SLC8A1: variants seen among roughly 807,000 people sequenced by gnomAD.
SLC8A1 encodes the protein sodium/calcium exchanger 1.
SLC8A1 carries 18 observed loss-of-function variants against 68.3 expected under a neutral mutation model. That is an observed-to-expected ratio of 0.26 (90% confidence interval 0.18 to 0.39). The LOEUF is 0.39. Among genes scored for constraint, SLC8A1 ranks in the 10% least tolerant of loss-of-function variants. The probability of loss-of-function intolerance (pLI) is 1.00; values close to 1 mark genes in which losing one functional copy is unlikely to be tolerated. For synonymous variants in SLC8A1, 475 were observed against 415.5 expected (o/e 1.14, Z -1.74); for missense variants, 985 against 1,156.7 (o/e 0.85, Z 2.15).
At chr2:40,424,290 G>C (rs1696296282) in intron 2 of SLC8A1, among the ~76,000 whole-genome samples, 1 of 151,276 alleles carries the variant, frequency 6.6e-6, no homozygotes, top group Non-Finnish European at 1.5e-5. Context: ...CTGTCTTATT[G>C]TATTTTGTTC....
chr2:40,332,228 C>G (rs1168057133), intron 2 of SLC8A1, among the ~76,000 whole-genome samples: 1 of 152,132 alleles, frequency 6.6e-6, no homozygotes, highest in South Asian at 2.1e-4. Flanking sequence ...GCTAGGTCTA[C>G]GTAATTCCCT....
At chr2:40,190,056 G>A (rs2051472710) in intron 2 of SLC8A1, among the ~76,000 whole-genome samples, 1 of 152,146 alleles carries the variant, frequency 6.6e-6, no homozygotes, top group South Asian at 2.1e-4. Flanking sequence ...ATCTGCCAAT[G>A]TTGTTTCCCT....
chr2:40,225,600 G>T (rs1281920358), intron 2 of SLC8A1, among the ~76,000 whole-genome samples: 1 of 152,128 alleles, frequency 6.6e-6, no homozygotes, highest in Non-Finnish European at 1.5e-5. Flanking sequence ...CCTAATTTCT[G>T]TGTAAAGGGC....
At chr2:40,261,174 G>A (rs1036657091) in intron 2 of SLC8A1, among the ~76,000 whole-genome samples, 1 of 152,192 alleles carries the variant, frequency 6.6e-6, no homozygotes, top group African/African-American at 2.4e-5. Flanking sequence ...TGGAAGGCCA[G>A]TCTGGGGCGT....
intron 2 of SLC8A1, among the ~76,000 whole-genome samples, chr2:40,200,228 A>ATATAAATATATATT (rs2054021264): frequency 9.5e-5 from 4 of 41,932 alleles, no homozygotes; most frequent in African/African-American, 3.0e-4. Context: ...ATTTTTTTAT[A>ATATAAATATATATT]TATATATATA....
intron 2 of SLC8A1, among the ~76,000 whole-genome samples, chr2:40,210,280 T>C (rs1468208914): frequency 6.6e-6 from 1 of 152,144 alleles, no homozygotes; most frequent in African/African-American, 2.4e-5. Flanking sequence ...GATGAGTGCC[T>C]GAAACAAGAG....
intron 2 of SLC8A1, among the ~76,000 whole-genome samples, chr2:40,248,884 A>G (rs1445188032): frequency 2.0e-5 from 3 of 152,164 alleles, no homozygotes; most frequent in African/African-American, 7.2e-5. Flanking sequence ...ATGCATAGTG[A>G]AGTAACCTTG....
chr2:40,210,721 T>C (rs2056426974), intron 2 of SLC8A1, among the ~76,000 whole-genome samples: 1 of 152,178 alleles, frequency 6.6e-6, no homozygotes, highest in Admixed American at 6.5e-5. Flanking sequence ...GCACTTATTG[T>C]CATTTCTGCA....
At chr2:40,166,924 T>TG (rs1269625967) in intron 4 of SLC8A1, among the ~76,000 whole-genome samples, 2 of 152,198 alleles carry the variant, frequency 1.3e-5, no homozygotes, top group African/African-American at 4.8e-5. Flanking sequence ...GTGAAGCTAT[T>TG]GGGGGAGAAT....
At chr2:40,320,547 G>A (rs896429153) in intron 2 of SLC8A1, among the ~76,000 whole-genome samples, 8 of 152,150 alleles carry the variant, frequency 5.3e-5, no homozygotes, top group Non-Finnish European at 7.4e-5. Flanking sequence ...CCTAAAATCA[G>A]ACGTTTATTA....
intron 2 of SLC8A1, among the ~76,000 whole-genome samples, chr2:40,287,582 A>ATGTGTGTGTGTGTGTGTGTGTGTG (rs10522914): frequency 0.043 from 5,422 of 127,290 alleles, 303 homozygotes; most frequent in East Asian, 0.079. Context: ...CAGAGGAATG[A>ATGTGTGTGTGTGTGTGTGTGTGTG]TGTGTGTGTG....
chr2:40,170,939 T>G (rs2047379141), intron 4 of SLC8A1, among the ~76,000 whole-genome samples: 1 of 152,156 alleles, frequency 6.6e-6, no homozygotes, highest in Non-Finnish European at 1.5e-5. Flanking sequence ...CTGTAGGTTT[T>G]GCAGAGGTAG....
At chr2:40,448,043 A>G (rs534028988) in intron 1 of SLC8A1, among the ~76,000 whole-genome samples, 2 of 152,340 alleles carry the variant, frequency 1.3e-5, no homozygotes, top group East Asian at 3.9e-4. Context: ...TGTTCAATAT[A>G]GTCTCTGCAA....
At chr2:40,268,064 A>C (rs1208943377) in intron 2 of SLC8A1, among the ~76,000 whole-genome samples, 3 of 152,316 alleles carry the variant, frequency 2.0e-5, no homozygotes, top group Admixed American at 6.5e-5. Flanking sequence ...CTGAAAAGAA[A>C]TCTCTCATGC....
chr2:40,141,201 A>T (rs1452032623), intron 6 of SLC8A1, among the ~76,000 whole-genome samples: 2 of 152,204 alleles, frequency 1.3e-5, no homozygotes, highest in Non-Finnish European at 2.9e-5. Flanking sequence ...GATGGCCAGC[A>T]TGGAGCACAC....
exon 8 of SLC8A1, chr2:40,111,421 CTTCA>C (rs2034545880): frequency 6.6e-6 from 1 of 152,116 alleles, no homozygotes; most frequent in Admixed American, 6.6e-5. Context: ...TAAATAATTC[CTTCA>C]TTCATACATG....
At chr2:40,395,388 G>C (rs984426493) in intron 2 of SLC8A1, among the ~76,000 whole-genome samples, 4 of 152,212 alleles carry the variant, frequency 2.6e-5, no homozygotes, top group Admixed American at 2.0e-4. Context: ...ACTGTGTGCA[G>C]GCCCCTCTTA....
intron 2 of SLC8A1, 107 bp from the exon 3 acceptor site, chr2:40,178,600 G>T: frequency 1.1e-6 from 1 of 895,998 alleles, no homozygotes; most frequent in Non-Finnish European, 1.8e-6. Context: ...CAGACAAACA[G>T]TAATCGAGAA....
At chr2:40,322,951 C>T (rs890199261) in intron 2 of SLC8A1, among the ~76,000 whole-genome samples, 7 of 151,706 alleles carry the variant, frequency 4.6e-5, no homozygotes, top group African/African-American at 1.5e-4. Flanking sequence ...ACATATTTAG[C>T]GTTGTTCAGA....
Sources: gnomAD v4.1 joint callset for allele counts (sites outside exome capture counted in the v4.1 genomes callset) on GRCh38, gnomAD v4.1.1 for gene constraint, MANE v1.5 for transcripts, NCBI Gene and HGNC (gene_info 2026-07-23, HGNC 2026-07-21) for gene names.